RBFOX1: variants seen among roughly 807,000 people sequenced by gnomAD.
The protein encoded by RBFOX1 is RNA binding protein fox-1 homolog 1.
A neutral mutation model predicts 57.7 loss-of-function variants in RBFOX1; 8 were observed. The ratio of observed to expected loss-of-function variants is 0.14; its 90% confidence interval spans 0.08 to 0.25. The LOEUF is 0.25. Among genes scored for constraint, RBFOX1 ranks in the 10% least tolerant of loss-of-function variants. The pLI is 1.00. For synonymous variants in RBFOX1, 326 were observed against 222.4 expected, an observed-to-expected ratio of 1.47 and a Z score of -4.15; for missense variants, 611 against 548.5, an observed-to-expected ratio of 1.11 and a Z score of -1.14.
chr16:5,727,184 T>C (rs528581664), intron 3 of RBFOX1, among the ~76,000 whole-genome samples: 155 of 152,218 alleles, frequency 1.0e-3, no homozygotes, highest in Non-Finnish European at 2.0e-3. Context: ...GGAGAATTGC[T>C]TGAAGTGAAC....
chr16:5,820,772 G>A (rs1363578017), intron 3 of RBFOX1, among the ~76,000 whole-genome samples: 1 of 152,104 alleles, frequency 6.6e-6, no homozygotes, highest in Non-Finnish European at 1.5e-5. Flanking sequence ...AGCCTCACAG[G>A]GGTTTAAGAC....
intron 4 of RBFOX1, among the ~76,000 whole-genome samples, chr16:7,187,596 G>C (rs146534386): frequency 4.0e-5 from 6 of 150,032 alleles, no homozygotes; most frequent in African/African-American, 1.5e-4. Flanking sequence ...GGTTGAGGCA[G>C]GAGAATGGTG....
intron 2 of RBFOX1, among the ~76,000 whole-genome samples, chr16:6,652,617 C>G (rs951944911): frequency 5.3e-5 from 8 of 152,026 alleles, no homozygotes; most frequent in Non-Finnish European, 8.8e-5. Flanking sequence ...CTGTAGAACT[C>G]TAAGAAAATA....
At chr16:7,576,546 A>G (rs1416706604) in intron 5 of RBFOX1, among the ~76,000 whole-genome samples, 1 of 152,182 alleles carries the variant, frequency 6.6e-6, no homozygotes, top group Non-Finnish European at 1.5e-5. Flanking sequence ...ATTTCTCCAT[A>G]ACAGTTTATA....
At chr16:6,226,496 C>T (rs1226297842) in intron 1 of RBFOX1, among the ~76,000 whole-genome samples, 1 of 152,016 alleles carries the variant, frequency 6.6e-6, no homozygotes, top group Non-Finnish European at 1.5e-5. Context: ...GAGTGCATTG[C>T]CCATGACCAC....
chr16:6,530,707 A>AAG (rs572027484), intron 2 of RBFOX1, among the ~76,000 whole-genome samples: 23 of 152,002 alleles, frequency 1.5e-4, no homozygotes, highest in Admixed American at 3.3e-4. Context: ...GTGGCAGGTG[A>AAG]AGAGAGAGAG....
chr16:7,251,723 T>C (rs753399157), intron 4 of RBFOX1, among the ~76,000 whole-genome samples: 29 of 152,220 alleles, frequency 1.9e-4, no homozygotes, highest in Non-Finnish European at 3.7e-4. Flanking sequence ...CCTGGTCATG[T>C]CCATTCATCT....
intron 11 of RBFOX1, among the ~76,000 whole-genome samples, chr16:7,648,787 T>A (rs187934115): frequency 3.3e-5 from 5 of 152,286 alleles, no homozygotes; most frequent in Admixed American, 3.3e-4. Flanking sequence ...GAAACAATTT[T>A]AAATCCTGAT....
At chr16:6,882,508 C>A (rs2063155621) in intron 3 of RBFOX1, among the ~76,000 whole-genome samples, 1 of 152,064 alleles carries the variant, frequency 6.6e-6, no homozygotes, top group African/African-American at 2.4e-5. Context: ...GCAGGAGAAT[C>A]ACCTGAACTT....
intron 9 of RBFOX1, among the ~76,000 whole-genome samples, chr16:7,597,917 G>T (rs575264311): frequency 6.6e-6 from 1 of 152,276 alleles, no homozygotes; most frequent in Non-Finnish European, 1.5e-5. Flanking sequence ...TTAGCAGAAT[G>T]TGTGAGTGGG....
At chr16:7,647,260 C>T (rs555123788) in intron 11 of RBFOX1, among the ~76,000 whole-genome samples, 2 of 152,122 alleles carry the variant, frequency 1.3e-5, no homozygotes, top group African/African-American at 2.4e-5. Context: ...ACAAGATGCT[C>T]AATTGGTATT....
intron 5 of RBFOX1, among the ~76,000 whole-genome samples, chr16:7,541,478 A>C (rs2082920091): frequency 6.6e-6 from 1 of 150,420 alleles, no homozygotes. Context: ...TTTTTTCCCG[A>C]CTTTTATCTC....
intron 11 of RBFOX1, among the ~76,000 whole-genome samples, chr16:7,647,954 T>C (rs926317847): frequency 2.0e-5 from 3 of 152,220 alleles, no homozygotes; most frequent in African/African-American, 7.2e-5. Flanking sequence ...GTTTTAGTCT[T>C]GTTTAATTTG....
chr16:5,975,583 C>T (rs1326712941), intron 4 of RBFOX1, among the ~76,000 whole-genome samples: 1 of 152,124 alleles, frequency 6.6e-6, no homozygotes, highest in Admixed American at 6.6e-5. Context: ...TTTCCTGAAC[C>T]AGTGTATTCA....
chr16:7,649,792 G>T (rs143016845), intron 11 of RBFOX1, among the ~76,000 whole-genome samples: 1 of 152,158 alleles, frequency 6.6e-6, no homozygotes, highest in Non-Finnish European at 1.5e-5. Flanking sequence ...TTGCATGCAC[G>T]CACCAGTAAG....
At chr16:6,859,984 G>T (rs992848054) in intron 3 of RBFOX1, among the ~76,000 whole-genome samples, 1 of 152,152 alleles carries the variant, frequency 6.6e-6, no homozygotes, top group Non-Finnish European at 1.5e-5. Flanking sequence ...AGTGGAATTG[G>T]TTTTTGCTCA....
intron 4 of RBFOX1, among the ~76,000 whole-genome samples, chr16:7,446,855 C>T (rs2098812602): frequency 8.1e-6 from 1 of 123,422 alleles, no homozygotes. Context: ...CTCTGTCACC[C>T]AGGCTGCAGT....
At chr16:7,573,230 C>A (rs995758590) in intron 5 of RBFOX1, among the ~76,000 whole-genome samples, 8 of 151,902 alleles carry the variant, frequency 5.3e-5, no homozygotes, top group Admixed American at 2.0e-4. Context: ...AATGCAAAGA[C>A]CAAAGATGGG....
intron 2 of RBFOX1, among the ~76,000 whole-genome samples, chr16:6,395,476 T>C (rs1311476545): frequency 6.6e-6 from 1 of 152,194 alleles, no homozygotes; most frequent in Admixed American, 6.5e-5. Context: ...TATTGCATGG[T>C]TGTTTTGACC....
Sources: gnomAD v4.1 joint callset for allele counts (sites outside exome capture counted in the v4.1 genomes callset) on GRCh38, gnomAD v4.1.1 for gene constraint, MANE v1.5 for transcripts, NCBI Gene and HGNC (gene_info 2026-07-23, HGNC 2026-07-21) for gene names.